Variants in DHX9 observed in about 807,000 individuals in gnomAD.
DHX9 encodes the protein ATP-dependent RNA helicase A.
A neutral mutation model predicts 148.7 loss-of-function variants in DHX9; 27 were observed. The ratio of observed to expected loss-of-function variants is 0.18; its 90% CI spans 0.13 to 0.25. The LOEUF (loss-of-function observed/expected upper bound fraction) is 0.25. Among genes scored for constraint, DHX9 ranks in the 10% least tolerant of loss-of-function variants. DHX9 has a pLI of 1.00. For missense variants in DHX9, 796 were observed against 1,559.6 expected (o/e 0.51, Z 8.25); for synonymous variants, 529 against 516.6 (o/e 1.02, Z -0.33).
chr1:182,867,146 A>T (rs1381128867), intron 14 of DHX9, 103 bp downstream of exon 14: 4 of 690,082 alleles, frequency 5.8e-6, no homozygotes, highest in Non-Finnish European at 9.3e-6. Context: ...TATCATTATC[A>T]AAACCATGAA....
chr1:182,872,958 CTT>C (rs765804613), intron 15 of DHX9, among the ~76,000 whole-genome samples: 2 of 152,012 alleles, frequency 1.3e-5, no homozygotes, highest in Admixed American at 1.3e-4. Flanking sequence ...TCTTTAGTAT[CTT>C]TTTGTTTTTC....
chr1:182,882,270 C>T (rs1297764458), intron 24 of DHX9, among the ~76,000 whole-genome samples: 1 of 152,174 alleles, frequency 6.6e-6, no homozygotes, highest in East Asian at 1.9e-4. Flanking sequence ...ATGAAACAGG[C>T]ACCAAGGTAT....
At chr1:182,866,868 A>G in intron 13 of DHX9, 93 bp from the exon 14 acceptor site, 1 of 966,206 alleles carries the variant, frequency 1.0e-6, no homozygotes, top group Non-Finnish European at 1.6e-6. Context: ...TTCTAAAATG[A>G]TGCTGGGGTC....
Position 182,887,602 on chromosome 1 carries a change from A to G in DHX9, c.*168A>G. On this transcript the variant is annotated 3_prime_UTR_variant, in exon 28 of 28. Transcript: ENST00000367549. Reference sequence around the variant, plus strand: ...AACCAAGCATATAGATGCATTAGTGATTTTGTTTATATTATGTAAAATATA... The same window carrying G: ...AACCAAGCATATAGATGCATTAGTGGTTTTGTTTATATTATGTAAAATATA... 1 of 594,670 alleles carries G rather than the reference A, an allele frequency of 1.7e-6. No individual in the cohort carries two copies. The highest frequency in any genetic ancestry group is 3.0e-6 in the Non-Finnish European group (1 of 335,982). The allele number at this position is 594,670 out of a possible 1,614,324, so 36.8% of individuals were successfully genotyped here.
At position 182,876,950 on chromosome 1, in the gene DHX9, G is replaced by T. The variant is rs1162707745; in HGVS notation, c.2198+47G>T. 6.4e-6 allele frequency: 9 copies of T among 1,405,138 alleles called. No homozygotes were observed. In the East Asian group the frequency reaches 1.8e-4, roughly 29 times the overall value. The allele number at this position is 1,405,138 out of a possible 1,614,324, so 87.0% of individuals were successfully genotyped here. On this transcript the variant is annotated intron_variant, in intron 19 of 27. Transcript: ENST00000367549. ...TTGTCTGCTCCAGTGTTACTAACTG[G>T]AAACTTCTTACCAGTTAACAGAATC...
intron 3 of DHX9, among the ~76,000 whole-genome samples, chr1:182,848,545 G>A (rs1214933851): frequency 1.3e-5 from 2 of 152,118 alleles, no homozygotes; most frequent in African/African-American, 4.8e-5. Context: ...ATTTAGAATG[G>A]TTCCTGGTCT....
chr1:182,850,650 T>G (rs966089054), intron 3 of DHX9, among the ~76,000 whole-genome samples: 7 of 150,772 alleles, frequency 4.6e-5, no homozygotes, highest in Admixed American at 2.0e-4. Context: ...GAAAAAGAAA[T>G]AAATGGACTA....
intron 24 of DHX9, among the ~76,000 whole-genome samples, chr1:182,882,040 A>C (rs1217703009): frequency 6.6e-6 from 1 of 152,224 alleles, no homozygotes; most frequent in Non-Finnish European, 1.5e-5. Context: ...TACTTCCTAA[A>C]ACATTGAGAA....
In DHX9 at chr1:182,859,102, T is replaced by C. The variant is rs373551086; in HGVS notation, c.1125T>C (p.Asp375=). Residue 375 remains aspartate, a synonymous_variant, in exon 11 of 28, where the codon GAT becomes GAC. Coordinates refer to ENST00000367549, the MANE Select transcript of DHX9 (RefSeq NM_001357.5). Reference sequence around the variant, plus strand: ...AATTGATGTACCAGTTGGAACAGGATCATGATTTGCAAGCAGTAAGTCTGA... The same window carrying C: ...AATTGATGTACCAGTTGGAACAGGACCATGATTTGCAAGCAGTAAGTCTGA... The part of the protein sequence containing the change: ...KNELMYQLEQ[D]HDLQAILQER... 287 of 1,613,876 alleles carry C rather than the reference T, an allele frequency of 1.8e-4. No homozygotes were observed. The highest frequency in any genetic ancestry group is 2.2e-4 in the Non-Finnish European group (261 of 1,179,946).
Position 182,883,162 on chromosome 1 carries a change from A to T in DHX9, c.2938A>T (p.Thr980Ser). The T allele has an allele frequency of 6.2e-7, 1 of 1,613,556 alleles. No individual in the cohort carries two copies. The highest frequency in any genetic ancestry group is 8.5e-7 in the Non-Finnish European group (1 of 1,179,460). Reference protein sequence around the residue: ...PEDCLLTQVFTNTGPDNNLDV... With the variant: ...PEDCLLTQVFSNTGPDNNLDV... ...AGATTGTTTGTTGACACAAGTGTTT[A>T]CTAACACTGGACCAGATAATAATTT... is the stretch of plus-strand genomic sequence containing the variant. Residue 980 changes from threonine (T) to serine (S), a missense_variant, in exon 25 of 28, where the codon ACT (threonine) becomes TCT (serine). Physicochemically the swap from Thr to Ser is moderately conservative, Grantham distance 58. Around this residue, in one of 14 missense-constraint regions of DHX9, gnomAD observed 122 missense variants for 289.3 expected, o/e 0.42. Transcript: ENST00000367549.
At chr1:182,848,374 T>C (rs1467274257) in intron 3 of DHX9, among the ~76,000 whole-genome samples, 2 of 152,212 alleles carry the variant, frequency 1.3e-5, no homozygotes, top group East Asian at 3.8e-4. Flanking sequence ...TGACCTACAA[T>C]GCACTTGACA....
intron 24 of DHX9, 94 bp from the exon 25 acceptor site, chr1:182,883,045 G>A (rs1057288434): frequency 7.3e-6 from 6 of 824,772 alleles, no homozygotes; most frequent in African/African-American, 6.8e-5. Flanking sequence ...GAGTGAGGAA[G>A]AGTCAGTTCT....
At chr1:182,883,013 T>A (rs1649157247) in intron 24 of DHX9, 126 bp from the exon 25 acceptor site, 1 of 673,778 alleles carries the variant, frequency 1.5e-6, no homozygotes, top group East Asian at 2.7e-5. Context: ...AGAGAAAGTT[T>A]TACAGACAGG....
intron 20 of DHX9, among the ~76,000 whole-genome samples, chr1:182,878,992 G>A (rs1327744721): frequency 1.3e-5 from 2 of 152,224 alleles, no homozygotes; most frequent in African/African-American, 2.4e-5. Flanking sequence ...TAACATTCGC[G>A]ATTTTGGATA....
At chr1:182,868,622 C>T (rs1384393110) in intron 14 of DHX9, among the ~76,000 whole-genome samples, 1 of 149,282 alleles carries the variant, frequency 6.7e-6, no homozygotes, top group Non-Finnish European at 1.5e-5. Flanking sequence ...TTAAGCCATT[C>T]TCCTTGCCTC....
Position 182,866,484 on chromosome 1 carries a change from C to G in DHX9, c.1373C>G (p.Ala458Gly). Residue 458 changes from alanine (A) to glycine (G), a missense_variant, in exon 13 of 28, where the codon GCA (alanine) becomes GGA (glycine). Ala to Gly is a moderately conservative substitution (Grantham distance 60, BLOSUM62 0). Around this residue, in one of 14 missense-constraint regions of DHX9, gnomAD observed 58 missense variants for 122.8 expected, o/e 0.47. Transcript: ENST00000367549. Reference protein sequence around the residue: ...ISAVSVAERVAFERGEEPGKS... With the variant: ...ISAVSVAERVGFERGEEPGKS... Reference sequence around the variant, plus strand: ...GCGGTTTCTGTGGCAGAGCGAGTTGCATTTGAAAGAGGAGAAGAGCCTGGA... The same window carrying G: ...GCGGTTTCTGTGGCAGAGCGAGTTGGATTTGAAAGAGGAGAAGAGCCTGGA... 6.2e-7 allele frequency: 1 copy of G among 1,614,134 alleles called. No individual in the cohort carries two copies. The highest frequency in any genetic ancestry group is 8.5e-7 in the Non-Finnish European group (1 of 1,179,996).
At chr1:182,886,583 A>G (rs1322809478) in intron 27 of DHX9, among the ~76,000 whole-genome samples, 1 of 152,222 alleles carries the variant, frequency 6.6e-6, no homozygotes, top group African/African-American at 2.4e-5. Context: ...GATTGGGGAT[A>G]TGTTTAATTG....
intron 14 of DHX9, among the ~76,000 whole-genome samples, chr1:182,867,960 A>G (rs886763188): frequency 2.4e-4 from 36 of 152,242 alleles, no homozygotes; most frequent in African/African-American, 8.4e-4. Context: ...ACTGTCAACC[A>G]TAACTCAAAG....
Position 182,884,768 on chromosome 1 carries a change from C to G in DHX9, c.3416C>G (p.Ser1139Cys). Residue 1139 changes from serine to cysteine, a missense_variant, in exon 27 of 28, where the codon TCT becomes TGT. Ser to Cys is a moderately radical substitution (Grantham distance 112). Coordinates refer to ENST00000367549, the MANE Select transcript of DHX9 (RefSeq NM_001357.5). ...ERMLNMIRQISRPSAAGINLM... is the reference protein window; with the variant it reads ...ERMLNMIRQICRPSAAGINLM... ...ATGCTGAACATGATCCGTCAGATCT[C>G]TAGACCCTCAGCTGCTGGTATCAAC... The G allele has an allele frequency of 6.2e-7, 1 of 1,614,144 alleles. No homozygotes were observed. Among genetic ancestry groups the G allele is most frequent in the Non-Finnish European group, 8.5e-7 (1 of 1,180,036 alleles).
Sources: gnomAD v4.1 joint callset for allele counts (sites outside exome capture counted in the v4.1 genomes callset) on GRCh38, gnomAD v4.1.1 for gene constraint, gnomAD v4.1.1 regional missense constraint, MANE v1.5 for transcripts, NCBI Gene and HGNC (gene_info 2026-07-23, HGNC 2026-07-21) for gene names.